The following MMAB variants were observed in gnomAD, a reference collection of about 807,000 sequenced individuals.
MMAB encodes corrinoid adenosyltransferase MMAB.
A neutral mutation model predicts 30.6 loss-of-function variants in MMAB; 17 were observed. The ratio of observed to expected loss-of-function variants is 0.56; its 90% CI spans 0.38 to 0.83. The LOEUF (loss-of-function observed/expected upper bound fraction) is 0.83, where lower values mean the gene tolerates loss of function less well. MMAB is among the 40% of genes least tolerant of loss of function. The probability of loss-of-function intolerance (pLI) is 0.00; values close to 1 mark genes in which losing one functional copy is unlikely to be tolerated. For synonymous variants in MMAB, 134 were observed against 138.6 expected, an observed-to-expected ratio of 0.97 and a Z score of 0.23; for missense variants, 311 against 331.6, an observed-to-expected ratio of 0.94 and a Z score of 0.48.
At position 109,555,139 on chromosome 12, in the gene MMAB, G is replaced by A; in HGVS notation, c.*1889C>T. On this transcript the variant is annotated 3_prime_UTR_variant, in exon 9 of 9. Coordinates refer to ENST00000545712, the MANE Select transcript of MMAB (RefSeq NM_052845.4). Reference sequence around the variant, plus strand: ...GCTTTCCCATGGCTAGGCATGCAGGGCTGCTGTGTTATTTTATATATATAT... The same window carrying A: ...GCTTTCCCATGGCTAGGCATGCAGGACTGCTGTGTTATTTTATATATATAT... The A allele has an allele frequency of 2.2e-6, 1 of 451,594 alleles. No homozygotes were observed. The allele number at this position is 451,594 out of a possible 1,614,324, so 28.0% of individuals were successfully genotyped here.
At chr12:109,573,155 C>T in intron 1 of MMAB, 192 bp downstream of exon 1, 2 of 695,818 alleles carry the variant, frequency 2.9e-6, no homozygotes, top group Non-Finnish European at 5.0e-6. Context: ...AGCGGGACTT[C>T]ATTGGGACTT....
rs67024670 is a variant in MMAB at position 109,556,648 on chromosome 12, TCACACACACACACACA to T, written c.*364_*379del. 2.2e-4 allele frequency: 73 copies of T among 328,374 alleles called. No individual in the cohort carries two copies. The highest frequency in any genetic ancestry group is 5.8e-4 in the East Asian group (7 of 12,162). 20.3% of individuals were successfully genotyped at this position (328,374 alleles called of 1,614,324 possible). The stretch of plus-strand genomic sequence containing the variant: ...GAGCTGGCAGTGGGAGGGCTCTCTC[TCACACACACACACACA>T]CACACACACACACACACACACACAC... On this transcript the variant is annotated 3_prime_UTR_variant, in exon 9 of 9. Coordinates refer to ENST00000545712, the MANE Select transcript of MMAB (RefSeq NM_052845.4).
intron 7 of MMAB, among the ~76,000 whole-genome samples, chr12:109,559,844 G>A (rs558145816): frequency 1.3e-5 from 2 of 152,342 alleles, no homozygotes; most frequent in Non-Finnish European, 2.9e-5. Context: ...GCCCAGGAGG[G>A]TGTGCACCCA....
chr12:109,573,340 C>T lies in MMAB; in HGVS notation c.134+7G>A. 1 of 1,613,286 alleles carries T rather than the reference C, an allele frequency of 6.2e-7. No homozygotes were observed. The highest frequency in any genetic ancestry group is 8.5e-7 in the Non-Finnish European group (1 of 1,179,844). ...TGTTCGAGTTGCCCTTCCCGCCAGC[C>T]ACTCACCTGTCCCCGTCTTCCACGC... On this transcript the variant is annotated splice_region_variant and intron_variant, in intron 1 of 8. Coordinates refer to ENST00000545712, the MANE Select transcript of MMAB (RefSeq NM_052845.4).
In MMAB at chr12:109,561,034, T is replaced by C. The variant is rs767719463; in HGVS notation, c.584+6A>G. On this transcript the variant is annotated splice_donor_region_variant and intron_variant, in intron 7 of 8. Coordinates refer to ENST00000545712, the MANE Select transcript of MMAB (RefSeq NM_052845.4). The surrounding 1 kb of genome is among the most constrained non-coding windows in gnomAD (Gnocchi z 5.3). ...TGGGCCCTCTCCCTCTCTCCAGCCC[T>C]CTTACCGTCTCTCGGCCCGGCGGCA... The C allele has an allele frequency of 2.3e-5, 31 of 1,377,208 alleles. No individual in the cohort carries two copies. The African/African-American group carries it at 4.6e-4, about 20-fold the overall frequency. The allele number at this position is 1,377,208 out of a possible 1,614,324, so 85.3% of individuals were successfully genotyped here.
chr12:109,573,264 C>T, intron 1 of MMAB, 83 bp downstream of exon 1: 3 of 1,575,472 alleles, frequency 1.9e-6, no homozygotes, highest in Non-Finnish European at 1.7e-6. Context: ...CCGCGGTGAC[C>T]TCACGGCGGT....
At position 109,561,302 on chromosome 12, in the gene MMAB, T is replaced by C; in HGVS notation, c.519+118A>G. The C allele has an allele frequency of 6.4e-7, 1 of 1,559,602 alleles. No individual in the cohort carries two copies. Among genetic ancestry groups the C allele is most frequent in the Non-Finnish European group, 8.6e-7 (1 of 1,159,858 alleles). On this transcript the variant is annotated intron_variant, in intron 6 of 8. Transcript: ENST00000545712. This position sits in a 1 kb window ranked among gnomAD's most constrained non-coding sequence, Gnocchi z 5.3. ...GGGACCGGTGAGGACCTGGAGGGAC[T>C]TGGGGAACTGGAGGACAGCGTCTGT... is the stretch of plus-strand genomic sequence containing the variant.
At chr12:109,560,975 C>CT in intron 7 of MMAB, 65 bp downstream of exon 7, 19 of 547,402 alleles carry the variant, frequency 3.5e-5, no homozygotes, top group South Asian at 7.8e-5. Context: ...CTCCCTCTCC[C>CT]TCCCCCCTCC....
At chr12:109,570,086 T>A (rs1884581904) in intron 2 of MMAB, 1 of 317,314 alleles carries the variant, frequency 3.2e-6, no homozygotes, top group Non-Finnish European at 6.4e-6. Flanking sequence ...ACATGGCAAA[T>A]CCCCGTCTCT....
chr12:109,565,087 A>G (rs1368552038), intron 4 of MMAB, 32 bp downstream of exon 4: 2 of 1,596,600 alleles, frequency 1.3e-6, no homozygotes, highest in Non-Finnish European at 1.7e-6. Flanking sequence ...GGGGCTGAAG[A>G]TTCCCAGCTT....
intron 2 of MMAB, among the ~76,000 whole-genome samples, chr12:109,571,252 A>T: frequency 6.7e-6 from 1 of 149,544 alleles, no homozygotes; most frequent in Non-Finnish European, 1.5e-5. Flanking sequence ...TTTTTCTGAG[A>T]CTTTTTTTTT....
rs760954818 is a variant in MMAB, at chr12:109,556,646, TCTCACACACACACACACACA to T, written c.*362_*381del. The T allele has an allele frequency of 1.9e-3, 792 of 427,924 alleles. 1 individual carries two copies. Among genetic ancestry groups the T allele is most frequent in the Non-Finnish European group, 3.1e-3 (673 of 219,350 alleles). 26.5% of individuals were successfully genotyped at this position (427,924 alleles called of 1,614,324 possible). A position where few individuals can be genotyped will look rare whatever the true frequency, so the allele number is the denominator to read the frequency against. ...CTGAGCTGGCAGTGGGAGGGCTCTC[TCTCACACACACACACACACA>T]CACACACACACACACACACACACAC... is the stretch of plus-strand genomic sequence containing the variant. On this transcript the variant is annotated 3_prime_UTR_variant, in exon 9 of 9. Transcript: ENST00000545712.
At position 109,571,668 on chromosome 12, in the gene MMAB, G is replaced by A. The variant is rs2136210789; in HGVS notation, c.177C>T (p.Tyr59=). Residue 59 remains tyrosine (Y), a synonymous_variant, in exon 2 of 9, where the codon TAC becomes TAT. Transcript: ENST00000545712. The part of the protein sequence containing the change: ...SSKTPRIPKI[Y]TKTGDKGFSS... ...CCCTACCTTTGTCTCCCGTTTTGGT[G>A]TAAATCTTGGGGATCCTGGGTGTCT... 8 of 1,614,140 alleles carry A rather than the reference G, an allele frequency of 5.0e-6. No homozygotes were observed. The highest frequency in any genetic ancestry group is 2.2e-5 in the South Asian group (2 of 91,084).
intron 4 of MMAB, among the ~76,000 whole-genome samples, chr12:109,563,089 C>T (rs962032650): frequency 6.6e-6 from 1 of 152,258 alleles, no homozygotes; most frequent in African/African-American, 2.4e-5. Context: ...GGGCTGGAAC[C>T]TTCCCAGGGC....
In MMAB at chr12:109,555,602, A is replaced by C. The variant is rs779313910; in HGVS notation, c.*1426T>G. On this transcript the variant is annotated 3_prime_UTR_variant, in exon 9 of 9. Transcript: ENST00000545712. ...TGCAAACACTGAGCACCGACTCCGT[A>C]CCAGACCTGGTAGTGACGATGGGGG... 2 of 451,938 alleles carry C rather than the reference A, an allele frequency of 4.4e-6. No homozygotes were observed. Among genetic ancestry groups the C allele is most frequent in the South Asian group, 3.1e-5 (2 of 64,240 alleles). 28.0% of individuals were successfully genotyped at this position (451,938 alleles called of 1,614,324 possible).
At chr12:109,570,924 T>C (rs1884610483) in intron 2 of MMAB, among the ~76,000 whole-genome samples, 1 of 151,346 alleles carries the variant, frequency 6.6e-6, no homozygotes, top group Non-Finnish European at 1.5e-5. Flanking sequence ...TGCATCTTAC[T>C]TTTTTCTATA....
At chr12:109,566,515 T>C (rs1257196432) in intron 3 of MMAB, among the ~76,000 whole-genome samples, 2 of 152,244 alleles carry the variant, frequency 1.3e-5, no homozygotes, top group Non-Finnish European at 2.9e-5. Context: ...TCACAGGAGG[T>C]GTGCAGAAGT....
In MMAB at chr12:109,557,078, C is replaced by T. The variant is rs144880448; in HGVS notation, c.703G>A (p.Glu235Lys). The change falls in exon 9 of 9, where the codon GAG (glutamate) becomes AAG (lysine). Residue 235 changes from glutamate (E) to lysine (K), a missense_variant. By Grantham distance (56) the Glu-to-Lys change is moderately conservative. Transcript: ENST00000545712. ...RYAAMKEGNQ[E>K]KIYMKNDPSA... Reference sequence around the variant, plus strand: ...GGGTCATTTTTCATGTATATTTTCTCTTGATTCCCCTCCTTCATGGCTGCA... The same window carrying T: ...GGGTCATTTTTCATGTATATTTTCTTTTGATTCCCCTCCTTCATGGCTGCA... 224 of 1,613,876 alleles carry T rather than the reference C, an allele frequency of 1.4e-4. No homozygotes were observed. The highest frequency in any genetic ancestry group is 1.8e-4 in the Non-Finnish European group (207 of 1,179,820).
chr12:109,565,725 CT>C (rs1884397659), intron 3 of MMAB, among the ~76,000 whole-genome samples: 1 of 152,292 alleles, frequency 6.6e-6, no homozygotes, highest in Non-Finnish European at 1.5e-5. Context: ...GATCAGTGCT[CT>C]GAAGGAAAGA....
Sources: gnomAD v4.1 joint callset for allele counts (sites outside exome capture counted in the v4.1 genomes callset) on GRCh38, gnomAD v4.1.1 for gene constraint, Gnocchi (gnomAD v3.1) non-coding constraint, MANE v1.5 for transcripts, NCBI Gene and HGNC (gene_info 2026-07-23, HGNC 2026-07-21) for gene names.